The following KCNJ1 variants were observed in gnomAD, a reference collection of about 807,000 sequenced individuals.
KCNJ1 encodes the protein potassium inwardly rectifying channel subfamily J member 1, also known as ATP-sensitive inward rectifier potassium channel 1.
In KCNJ1, 24 loss-of-function variants were observed where a neutral mutation model predicts 21.9. The observed-to-expected ratio is 1.10, with a 90% CI of 0.79 to 1.54. The LOEUF is 1.54. KCNJ1 is among the 40% of genes most tolerant of loss of function. The probability of loss-of-function intolerance (pLI) is 0.00; values close to 1 mark genes in which losing one functional copy is unlikely to be tolerated. For missense variants in KCNJ1, 457 were observed against 455.4 expected, an observed-to-expected ratio of 1.00 and a Z score of -0.03; for synonymous variants, 152 against 160.9, an observed-to-expected ratio of 0.94 and a Z score of 0.42.
intron 2 of KCNJ1, chr11:128,842,500 T>C (rs1197430527): frequency 5.0e-6 from 8 of 1,609,152 alleles, no homozygotes; most frequent in Non-Finnish European, 6.8e-6. Context: ...TAATTTATTG[T>C]AGGCGACAGT....
chr11:128,850,781 G>C lies in KCNJ1; in HGVS notation c.-82C>G, dbSNP rs1943467051. 2.0e-6 allele frequency: 2 copies of C among 985,262 alleles called. No homozygotes were observed. The highest frequency in any genetic ancestry group is 6.1e-5 in the Admixed American group (1 of 16,266). 61.0% of individuals were successfully genotyped at this position (985,262 alleles called of 1,614,324 possible). On this transcript the variant is annotated 5_prime_UTR_variant, in exon 2 of 3. Coordinates refer to ENST00000392666, the MANE Select transcript of KCNJ1 (RefSeq NM_153766.3). Reference sequence around the variant, plus strand: ...ACTTCATGTATAAGTAGATCTTGGGGTGACCAGCAAGAGCTGCTTGGTTTG... The same window carrying C: ...ACTTCATGTATAAGTAGATCTTGGGCTGACCAGCAAGAGCTGCTTGGTTTG...
At chr11:128,849,036 G>T (rs1396627187) in intron 2 of KCNJ1, among the ~76,000 whole-genome samples, 1 of 152,166 alleles carries the variant, frequency 6.6e-6, no homozygotes, top group Admixed American at 6.5e-5. Context: ...TGCCAGCGGT[G>T]CCCCTCTGGA....
At chr11:128,848,410 T>G (rs1943421444) in intron 2 of KCNJ1, among the ~76,000 whole-genome samples, 1 of 152,100 alleles carries the variant, frequency 6.6e-6, no homozygotes, top group Non-Finnish European at 1.5e-5. Context: ...CAGGCTGGTC[T>G]TGAACTCCTG....
Position 128,838,318 on chromosome 11 carries a change from G to A in KCNJ1, c.*807C>T, listed in dbSNP as rs1286313511. 6.6e-6 allele frequency: 1 copy of A among 152,544 alleles called. No homozygotes were observed. Among genetic ancestry groups the A allele is most frequent in the African/African-American group, 2.4e-5 (1 of 41,444 alleles). 9.4% of individuals were successfully genotyped at this position (152,544 alleles called of 1,614,324 possible). On this transcript the variant is annotated 3_prime_UTR_variant, in exon 3 of 3. Transcript: ENST00000392666. ...AATAGCATTCCAGTACAAACTCTAG[G>A]TGGAGGAACACATGAAACTGTTTCT...
intron 1 of KCNJ1, among the ~76,000 whole-genome samples, chr11:128,863,742 G>C (rs1203544587): frequency 2.6e-5 from 4 of 152,166 alleles, no homozygotes; most frequent in Non-Finnish European, 5.9e-5. Flanking sequence ...CAGTTTTTGA[G>C]AAGCAACTCC....
rs1943835957 is a variant in KCNJ1 at position 128,867,281 on chromosome 11, T to A, written c.-300A>T. 6.6e-6 allele frequency: 1 copy of A among 151,872 alleles called. No individual in the cohort carries two copies. The highest frequency in any genetic ancestry group is 2.4e-5 in the African/African-American group (1 of 41,324). 9.4% of individuals were successfully genotyped at this position (151,872 alleles called of 1,614,324 possible). On this transcript the variant is annotated 5_prime_UTR_variant, in exon 1 of 3. Transcript: ENST00000392666. ...AGTCCCTGCACCTTTGATGCAAGAG[T>A]TTGGATATGCTAGGTGAGGGTACCC...
chr11:128,858,092 T>C (rs1226733011), intron 1 of KCNJ1, among the ~76,000 whole-genome samples: 1 of 128,540 alleles, frequency 7.8e-6, no homozygotes, highest in East Asian at 2.4e-4. Flanking sequence ...AGCTCCACGA[T>C]GGCGAGAGAT....
chr11:128,851,803 T>G (rs1943481621), intron 1 of KCNJ1, among the ~76,000 whole-genome samples: 1 of 152,192 alleles, frequency 6.6e-6, no homozygotes, highest in African/African-American at 2.4e-5. Flanking sequence ...TGGAAAAAAT[T>G]CAACTAATGT....
intron 1 of KCNJ1, among the ~76,000 whole-genome samples, chr11:128,854,450 C>T (rs116455079): frequency 3.3e-5 from 5 of 152,170 alleles, no homozygotes; most frequent in African/African-American, 7.2e-5. Context: ...TTCAAAACCC[C>T]GCCTTGCCCC....
intron 1 of KCNJ1, among the ~76,000 whole-genome samples, chr11:128,856,059 T>C (rs2847377): frequency 0.26 from 39,979 of 152,090 alleles, 6,221 homozygotes; most frequent in African/African-American, 0.45. Flanking sequence ...TTAAAGAAGG[T>C]TCTCCCACCA....
rs555430704 is a variant in KCNJ1 at position 128,854,350 on chromosome 11, C to T, written c.-191-3460G>A. On this transcript the variant is annotated intron_variant, in intron 1 of 2. Coordinates refer to ENST00000392666, the MANE Select transcript of KCNJ1 (RefSeq NM_153766.3). ...ATAGCCCTTGTTGTATTCCTGGAGT[C>T]AGCAGCGCGGATGTTCCAATTCCCA... 2.3e-4 allele frequency among the ~76,000 whole-genome samples: 35 copies of T among 152,284 alleles called. No homozygotes were observed. The South Asian group carries it at 7.1e-3, about 31-fold the overall frequency.
chr11:128,846,344 A>G (rs1423660712), intron 2 of KCNJ1, among the ~76,000 whole-genome samples: 1 of 152,234 alleles, frequency 6.6e-6, no homozygotes, highest in African/African-American at 2.4e-5. Context: ...AATAGTAATT[A>G]TGCAATAAAT....
intron 2 of KCNJ1, among the ~76,000 whole-genome samples, chr11:128,849,215 G>C (rs1943439823): frequency 6.6e-6 from 1 of 152,238 alleles, no homozygotes; most frequent in South Asian, 2.1e-4. Flanking sequence ...AAAGCCCAAA[G>C]AGCAAAGATT....
intron 1 of KCNJ1, among the ~76,000 whole-genome samples, chr11:128,856,329 C>T (rs1048494254): frequency 3.3e-5 from 5 of 152,220 alleles, no homozygotes; most frequent in African/African-American, 1.2e-4. Context: ...CCTTCCAGAC[C>T]CGGAGGCAAC....
chr11:128,851,598 C>A (rs2135951136), intron 1 of KCNJ1, among the ~76,000 whole-genome samples: 1 of 152,290 alleles, frequency 6.6e-6, no homozygotes, highest in Middle Eastern at 3.4e-3. Flanking sequence ...GTGCAGAGAT[C>A]TGTTATTAGT....
intron 1 of KCNJ1, among the ~76,000 whole-genome samples, chr11:128,856,698 C>G (rs904320002): frequency 6.6e-6 from 1 of 152,164 alleles, no homozygotes; most frequent in Non-Finnish European, 1.5e-5. Flanking sequence ...CCGAGTCAAG[C>G]AAAACCTTGA....
At chr11:128,855,902 C>T (rs77226666) in intron 1 of KCNJ1, among the ~76,000 whole-genome samples, 6,244 of 152,270 alleles carry the variant, frequency 0.041, 421 homozygotes, top group African/African-American at 0.14. Context: ...GGGCAGGCAG[C>T]TCTCACCTGC....
Position 128,839,847 on chromosome 11 carries a change from G to C in KCNJ1, c.397C>G (p.Gln133Glu), listed in dbSNP as rs1943249521. 7 of 1,614,044 alleles carry C rather than the reference G, an allele frequency of 4.3e-6. No homozygotes were observed. Among genetic ancestry groups the C allele is most frequent in the Admixed American group, 1.7e-5 (1 of 60,010 alleles). ...IGYGFRCVTEQCATAIFLLIF... is the reference protein window; with the variant it reads ...IGYGFRCVTEECATAIFLLIF... ...AGCAGAAAAATGGCAGTGGCACACT[G>C]TTCTGTCACACACCTGAATCCATAT... Residue 133 changes from glutamine to glutamate, a missense_variant, in exon 3 of 3, where the codon CAG becomes GAG. Physicochemically the swap from Gln to Glu is conservative, Grantham distance 29 (BLOSUM62 2). Coordinates refer to ENST00000392666, the MANE Select transcript of KCNJ1 (RefSeq NM_153766.3).
rs138440917 is a variant in KCNJ1, at chr11:128,839,946, T to C, written c.298A>G (p.Thr100Ala). 3.6e-5 allele frequency: 58 copies of C among 1,613,290 alleles called. No homozygotes were observed. The African/African-American group carries it at 5.9e-4, about 16-fold the overall frequency. Residue 100 changes from threonine (T) to alanine (A), a missense_variant, in exon 3 of 3, where the codon ACT becomes GCT. By Grantham distance (58) the Thr-to-Ala change is moderately conservative (BLOSUM62 0). Transcript: ENST00000392666. ...CCATTAATATTCTCCACACAGGGAGTGTGATTGGCAGAAGGATGGAATTCC... is the reference window on the plus strand; with the variant it reads ...CCATTAATATTCTCCACACAGGGAGCGTGATTGGCAGAAGGATGGAATTCC... ...LPEFHPSANH[T>A]PCVENINGLT... is the part of the protein sequence containing the mutation.
Sources: allele counts gnomAD v4.1 joint callset (sites outside exome capture counted in the v4.1 genomes callset), GRCh38; gene constraint gnomAD v4.1.1; transcripts MANE v1.5; gene names NCBI Gene and HGNC (gene_info 2026-07-23, HGNC 2026-07-21).